The following ANKS1B variants were observed in gnomAD, a reference collection of about 807,000 sequenced individuals.
ANKS1B encodes the protein ankyrin repeat and sterile alpha motif domain containing 1B.
A neutral mutation model predicts 148.3 loss-of-function variants in ANKS1B; 36 were observed. The observed-to-expected ratio is 0.24, with a 90% CI of 0.19 to 0.32. ANKS1B has a LOEUF of 0.32. ANKS1B is among the 10% of genes least tolerant of loss of function. ANKS1B has a pLI of 1.00. For synonymous variants in ANKS1B, 542 were observed against 560.8 expected (o/e 0.97, Z 0.47); for missense variants, 1,157 against 1,542.6 (o/e 0.75, Z 4.19).
chr12:99,934,491 T>A (rs2094706860), intron 1 of ANKS1B, among the ~76,000 whole-genome samples: 1 of 152,168 alleles, frequency 6.6e-6, no homozygotes, highest in Non-Finnish European at 1.5e-5. Context: ...CATGGTTAAA[T>A]CTTGGTAGGG....
At chr12:99,461,465 C>A (rs2095968259) in intron 10 of ANKS1B, among the ~76,000 whole-genome samples, 1 of 151,894 alleles carries the variant, frequency 6.6e-6, no homozygotes, top group African/African-American at 2.4e-5. Flanking sequence ...TTGCTAAATC[C>A]CTGAATAAAA....
intron 16 of ANKS1B, among the ~76,000 whole-genome samples, chr12:99,070,159 G>A (rs571973173): frequency 6.6e-6 from 1 of 152,232 alleles, no homozygotes; most frequent in South Asian, 2.1e-4. Flanking sequence ...GCATGCTGAG[G>A]AACATCTTGG....
intron 9 of ANKS1B, among the ~76,000 whole-genome samples, chr12:99,582,481 C>T (rs1386034770): frequency 6.6e-6 from 1 of 152,036 alleles, no homozygotes; most frequent in Non-Finnish European, 1.5e-5. Context: ...ACAAACTGTT[C>T]AATATCCATA....
At chr12:99,648,290 T>C (rs2098391878) in intron 9 of ANKS1B, 10 of 1,614,182 alleles carry the variant, frequency 6.2e-6, no homozygotes, top group Non-Finnish European at 8.5e-6. Context: ...GAGTATACTA[T>C]ATTCAGGTAT....
chr12:99,320,137 T>C (rs2084955694), intron 12 of ANKS1B, among the ~76,000 whole-genome samples: 1 of 152,208 alleles, frequency 6.6e-6, no homozygotes, highest in African/African-American at 2.4e-5. Flanking sequence ...TTTTCCTTCA[T>C]TTCAATTTTG....
intron 8 of ANKS1B, among the ~76,000 whole-genome samples, chr12:99,714,326 T>G (rs2057019026): frequency 6.6e-6 from 1 of 152,116 alleles, no homozygotes; most frequent in Non-Finnish European, 1.5e-5. Context: ...GAACATTAAC[T>G]TAATCACCTG....
chr12:99,909,907 T>C (rs2093938346), intron 1 of ANKS1B, among the ~76,000 whole-genome samples: 1 of 152,152 alleles, frequency 6.6e-6, no homozygotes, highest in South Asian at 2.1e-4. Flanking sequence ...TGGAAGATGA[T>C]TTAGACTACA....
intron 16 of ANKS1B, among the ~76,000 whole-genome samples, chr12:99,073,904 G>A (rs184057035): frequency 1.3e-5 from 2 of 152,270 alleles, no homozygotes. Context: ...TTTAGTTCCA[G>A]TTCAGTTACT....
chr12:99,983,637 G>A (rs1195283411), intron 1 of ANKS1B, among the ~76,000 whole-genome samples: 1 of 152,114 alleles, frequency 6.6e-6, no homozygotes, highest in Non-Finnish European at 1.5e-5. Context: ...CATAACCCAC[G>A]GCACAGCAAA....
At chr12:99,121,201 G>A (rs561839757) in intron 15 of ANKS1B, among the ~76,000 whole-genome samples, 1 of 152,046 alleles carries the variant, frequency 6.6e-6, no homozygotes, top group East Asian at 1.9e-4. Context: ...TAGTGTGTAG[G>A]ATGGACATTA....
At chr12:98,800,262 A>G (rs1021110194) in intron 21 of ANKS1B, among the ~76,000 whole-genome samples, 1 of 151,940 alleles carries the variant, frequency 6.6e-6, no homozygotes, top group African/African-American at 2.4e-5. Flanking sequence ...GATAACCACA[A>G]TGTCCATCTA....
In ANKS1B at chr12:99,045,565, A is replaced by C. The variant is rs575964734; in HGVS notation, c.2778+7592T>G. Among the ~76,000 whole-genome samples the C allele has an allele frequency of 3.9e-5, 6 of 152,358 alleles. No individual in the cohort carries two copies. The South Asian group carries it at 1.2e-3, about 32-fold the overall frequency. On this transcript the variant is annotated intron_variant, in intron 17 of 26. Transcript: ENST00000683438. ...CCAGGTGCCAACACGAAAGATTTCA[A>C]TTCAATTGTTTTAGATATGGGGCCC...
rs74569241 is a variant in ANKS1B at position 98,911,580 on chromosome 12, G to A, written c.2779-79444C>T. ...GTGGTCTTTTAAACAGACCATAGCAGATGATTCAGTGTCAGTGGGCCACTG... is the reference window on the plus strand; with the variant it reads ...GTGGTCTTTTAAACAGACCATAGCAAATGATTCAGTGTCAGTGGGCCACTG... On this transcript the variant is annotated intron_variant, in intron 17 of 26. Coordinates refer to ENST00000683438, the MANE Select transcript of ANKS1B (RefSeq NM_001352186.2). 1.7e-3 allele frequency among the ~76,000 whole-genome samples: 255 copies of A among 152,326 alleles called. 1 individual carries two copies. Among genetic ancestry groups the A allele is most frequent in the African/African-American group, 5.8e-3 (243 of 41,564 alleles).
At chr12:99,219,814 A>G (rs2084803347) in intron 14 of ANKS1B, among the ~76,000 whole-genome samples, 1 of 152,184 alleles carries the variant, frequency 6.6e-6, no homozygotes, top group Admixed American at 6.5e-5. Flanking sequence ...CTAGAAAGAA[A>G]ATTCCAGTTG....
chr12:98,770,140 T>G (rs1043811309), intron 25 of ANKS1B, among the ~76,000 whole-genome samples: 1 of 152,228 alleles, frequency 6.6e-6, no homozygotes, highest in Non-Finnish European at 1.5e-5. Context: ...ATATGTTCTT[T>G]CATTTCACTC....
At chr12:99,324,269 C>A (rs1003708733) in intron 12 of ANKS1B, among the ~76,000 whole-genome samples, 1 of 152,118 alleles carries the variant, frequency 6.6e-6, no homozygotes. Flanking sequence ...CTCATATAAT[C>A]TTCACAACAT....
At chr12:99,232,346 G>A (rs897960320) in intron 14 of ANKS1B, among the ~76,000 whole-genome samples, 1 of 152,092 alleles carries the variant, frequency 6.6e-6, no homozygotes, top group Non-Finnish European at 1.5e-5. Flanking sequence ...ATTTTTATAC[G>A]AATGCACTTG....
At chr12:99,426,687 A>G (rs1178931376) in intron 11 of ANKS1B, among the ~76,000 whole-genome samples, 2 of 152,176 alleles carry the variant, frequency 1.3e-5, no homozygotes, top group Non-Finnish European at 2.9e-5. Context: ...GCATAAGTAG[A>G]CTCTTAAAAT....
At chr12:99,580,658 A>T (rs1266302460) in intron 9 of ANKS1B, among the ~76,000 whole-genome samples, 1 of 152,194 alleles carries the variant, frequency 6.6e-6, no homozygotes, top group Non-Finnish European at 1.5e-5. Context: ...GTTAGACCTA[A>T]GGAATAAGTT....
Sources: allele counts gnomAD v4.1 joint callset (sites outside exome capture counted in the v4.1 genomes callset), GRCh38; gene constraint gnomAD v4.1.1; transcripts MANE v1.5; gene names NCBI Gene and HGNC (gene_info 2026-07-23, HGNC 2026-07-21).